The following CD6 variants were observed in gnomAD, a reference collection of about 807,000 sequenced individuals.
CD6 encodes T-cell differentiation antigen CD6.
A neutral mutation model predicts 75.3 loss-of-function variants in CD6; 53 were observed. That is an observed-to-expected ratio of 0.70 (90% CI 0.56 to 0.88). The LOEUF (loss-of-function observed/expected upper bound fraction) is 0.88, where lower values mean the gene tolerates loss of function less well. Ranked by LOEUF, CD6 falls within the 40% of genes least tolerant of loss-of-function variation. The pLI is 0.00. For missense variants in CD6, 770 were observed against 897.1 expected, an observed-to-expected ratio of 0.86 and a Z score of 1.81; for synonymous variants, 359 against 381.5, an observed-to-expected ratio of 0.94 and a Z score of 0.69.
At chr11:60,992,377 G>T (rs901305848) in intron 1 of CD6, among the ~76,000 whole-genome samples, 6 of 151,922 alleles carry the variant, frequency 3.9e-5, no homozygotes, top group African/African-American at 1.2e-4. Flanking sequence ...GGCAAGGGGG[G>T]CATGTGAAGA....
At chr11:60,986,600 G>C (rs1857825211) in intron 1 of CD6, among the ~76,000 whole-genome samples, 1 of 152,200 alleles carries the variant, frequency 6.6e-6, no homozygotes, top group South Asian at 2.1e-4. Flanking sequence ...TTGAAATTCA[G>C]TTCCGAGAAA....
chr11:60,989,890 CTA>C (rs1339226512), intron 1 of CD6, among the ~76,000 whole-genome samples: 1 of 152,176 alleles, frequency 6.6e-6, no homozygotes, highest in Non-Finnish European at 1.5e-5. Context: ...GAATTTAAAA[CTA>C]TAAAAACCCA....
chr11:60,995,276 C>T (rs562733043), intron 1 of CD6, among the ~76,000 whole-genome samples: 4 of 152,060 alleles, frequency 2.6e-5, no homozygotes, highest in Admixed American at 6.5e-5. Flanking sequence ...TCCTGAGTAG[C>T]TGGGACTACA....
chr11:60,985,480 C>A (rs1011783390), intron 1 of CD6, among the ~76,000 whole-genome samples: 3 of 152,012 alleles, frequency 2.0e-5, no homozygotes. Context: ...CCACCGCACC[C>A]GGCCACCCTC....
Position 61,007,640 on chromosome 11 carries a change from G to T in CD6, c.199G>T (p.Glu67Ter). The T allele has an allele frequency of 6.8e-7, 1 of 1,472,052 alleles. No individual in the cohort carries two copies. The highest frequency in any genetic ancestry group is 9.0e-7 in the Non-Finnish European group (1 of 1,111,262). The allele number at this position is 1,472,052 out of a possible 1,614,324, so 91.2% of individuals were successfully genotyped here. Residue 67 changes from glutamate to a stop codon, truncating the protein, a stop_gained, in exon 3 of 13, where the codon GAG (glutamate) becomes TAG (stop). Transcript: ENST00000313421. LOFTEE classifies it high-confidence loss of function. The surrounding 1 kb of genome is among the most constrained non-coding windows in gnomAD (Gnocchi z 4.2). The part of the protein sequence containing the change: ...TVEVRLEASW[E>*]PACGALWDSR... ...GGAGGTGCGGCTCGAGGCGTCCTGG[G>T]AGCCCGCGTGCGGGGCGCTCTGGGA...
At chr11:60,976,968 A>G (rs1410847740) in intron 1 of CD6, among the ~76,000 whole-genome samples, 1 of 152,152 alleles carries the variant, frequency 6.6e-6, no homozygotes, top group Non-Finnish European at 1.5e-5. Context: ...AGGCTTCTGC[A>G]TCTTTCTCCC....
chr11:60,992,556 T>G (rs1858107211), intron 1 of CD6, among the ~76,000 whole-genome samples: 1 of 152,056 alleles, frequency 6.6e-6, no homozygotes, highest in South Asian at 2.1e-4. Flanking sequence ...GGCCGGGCGC[T>G]GTGGCTCACA....
intron 1 of CD6, among the ~76,000 whole-genome samples, chr11:60,972,745 A>C (rs1361300757): frequency 1.3e-5 from 2 of 152,146 alleles, no homozygotes; most frequent in African/African-American, 4.8e-5. Flanking sequence ...CCAGAGAGCC[A>C]AGTGCTTTCA....
chr11:60,971,759 T>G lies in CD6; in HGVS notation c.-107T>G. ...ACACAGGAACAAGAACAGCAAAGGG[T>G]AGAGCAGACCTGCGCCAGGGGCGCA... On this transcript the variant is annotated 5_prime_UTR_variant, in exon 1 of 13. Coordinates refer to ENST00000313421, the MANE Select transcript of CD6 (RefSeq NM_006725.5). 1 of 1,068,436 alleles carries G rather than the reference T, an allele frequency of 9.4e-7. No individual in the cohort carries two copies. 66.2% of individuals were successfully genotyped at this position (1,068,436 alleles called of 1,614,324 possible). A position where few individuals can be genotyped will look rare whatever the true frequency, so the allele number is the denominator to read the frequency against.
In CD6 at chr11:61,019,264, C is replaced by A. The variant is rs777340349; in HGVS notation, c.1953C>A (p.Ser651Arg). 2.5e-6 allele frequency: 4 copies of A among 1,611,242 alleles called. No homozygotes were observed. Among genetic ancestry groups the A allele is most frequent in the East Asian group, 2.2e-5 (1 of 44,886 alleles). ...EEQFGCPGSPSPQPDSTDNDD... is the reference protein window; with the variant it reads ...EEQFGCPGSPRPQPDSTDNDD... ...CCTCTCTGCCCACAGGGTCCCCCAGCCCTCAGCCTGACTCCACCGACAACG... is the reference window on the plus strand; with the variant it reads ...CCTCTCTGCCCACAGGGTCCCCCAGACCTCAGCCTGACTCCACCGACAACG... The change falls in exon 13 of 13, where the codon AGC (serine) becomes AGA (arginine). Residue 651 changes from serine (S) to arginine (R), a missense_variant. Transcript: ENST00000313421.
At chr11:60,987,654 A>C (rs1316272651) in intron 1 of CD6, among the ~76,000 whole-genome samples, 1 of 152,048 alleles carries the variant, frequency 6.6e-6, no homozygotes, top group African/African-American at 2.4e-5. Flanking sequence ...TAGCCCACTC[A>C]TCCTCTGGAG....
At position 61,015,771 on chromosome 11, in the gene CD6, G is replaced by C; in HGVS notation, c.1446G>C (p.Ser482=). 2.5e-6 allele frequency: 4 copies of C among 1,614,114 alleles called. 1 individual carries two copies. The highest frequency in any genetic ancestry group is 1.7e-6 in the Non-Finnish European group (2 of 1,180,008). Residue 482 remains serine (S), a synonymous_variant, in exon 9 of 13, where the codon TCG becomes TCC. Coordinates refer to ENST00000313421, the MANE Select transcript of CD6 (RefSeq NM_006725.5). ...CCCCTGAGGACTCAGACTCTGGCTC[G>C]GACTCAGACTATGAGCACTATGACT... ...APPPEDSDSG[S]DSDYEHYDFS...
At position 61,004,849 on chromosome 11, in the gene CD6, A is replaced by G. The variant is rs77513373; in HGVS notation, c.50-1725A>G. 3.4e-3 allele frequency among the ~76,000 whole-genome samples: 517 copies of G among 152,288 alleles called. 6 individuals are homozygous for G. The highest frequency in any genetic ancestry group is 0.011 in the African/African-American group (474 of 41,548). Reference sequence around the variant, plus strand: ...CAACCCAGGGCCTCTAATATCCTTCAACAGGGAAGACGTAAATGGAAATGG... The same window carrying G: ...CAACCCAGGGCCTCTAATATCCTTCGACAGGGAAGACGTAAATGGAAATGG... On this transcript the variant is annotated intron_variant, in intron 1 of 12. Coordinates refer to ENST00000313421, the MANE Select transcript of CD6 (RefSeq NM_006725.5).
chr11:61,009,471 C>A, intron 4 of CD6, 101 bp from the exon 5 acceptor site: 1 of 1,082,214 alleles, frequency 9.2e-7, no homozygotes. Flanking sequence ...GATCTGGAGA[C>A]CAAATGGCTG....
chr11:61,008,629 A>C lies in CD6; in HGVS notation c.565A>C (p.Thr189Pro). ...HGEWGSVCDDTWDLEDAHVVC... is the reference protein window; with the variant it reads ...HGEWGSVCDDPWDLEDAHVVC... Reference sequence around the variant, plus strand: ...CGAGTGGGGATCAGTGTGCGATGACACTTGGGACCTGGAGGACGCCCACGT... The same window carrying C: ...CGAGTGGGGATCAGTGTGCGATGACCCTTGGGACCTGGAGGACGCCCACGT... The change falls in exon 4 of 13, where the codon ACT becomes CCT. Residue 189 changes from threonine (T) to proline (P), a missense_variant. By Grantham distance (38) the Thr-to-Pro change is conservative. Transcript: ENST00000313421. 1.2e-6 allele frequency: 2 copies of C among 1,608,468 alleles called. No homozygotes were observed. Among genetic ancestry groups the C allele is most frequent in the South Asian group, 1.1e-5 (1 of 90,126 alleles).
chr11:60,996,451 G>A (rs760363061), intron 1 of CD6, among the ~76,000 whole-genome samples: 64 of 152,174 alleles, frequency 4.2e-4, no homozygotes, highest in Non-Finnish European at 7.1e-4. Flanking sequence ...CCAGCTTCCC[G>A]GCCACTGGGC....
Position 60,982,068 on chromosome 11 carries a change from CGG to C in CD6, c.49+10164_49+10165del, listed in dbSNP as rs11319097. ...GAGGTGCCAGCAGATGCCAGGGTGG[CGG>C]GGGGGGGGGTTCTGTGCATGGGGCT... On this transcript the variant is annotated intron_variant, in intron 1 of 12. Coordinates refer to ENST00000313421, the MANE Select transcript of CD6 (RefSeq NM_006725.5). Among the ~76,000 whole-genome samples, 539 of 67,594 alleles carry C rather than the reference CGG, an allele frequency of 8.0e-3. 8 individuals carry two copies. The highest frequency in any genetic ancestry group is 9.2e-3 in the Non-Finnish European group (331 of 35,932). The allele number at this position is 67,594 out of a possible 152,430, so 44.3% of individuals were successfully genotyped here. A position where few individuals can be genotyped will look rare whatever the true frequency, so the allele number is the denominator to read the frequency against.
At chr11:60,980,830 ACT>A (rs773289431) in intron 1 of CD6, among the ~76,000 whole-genome samples, 1 of 152,036 alleles carries the variant, frequency 6.6e-6, no homozygotes, top group Non-Finnish European at 1.5e-5. Flanking sequence ...ACAGAGTGAG[ACT>A]CTGTTTCAAA....
At chr11:61,015,410 A>C in intron 8 of CD6, 1 of 253,934 alleles carries the variant, frequency 3.9e-6, no homozygotes, top group Non-Finnish European at 7.6e-6. Flanking sequence ...GTCTCTACAA[A>C]AAATTCAAAA....
Sources: allele counts gnomAD v4.1 joint callset (sites outside exome capture counted in the v4.1 genomes callset), GRCh38; gene constraint gnomAD v4.1.1; non-coding constraint Gnocchi (gnomAD v3.1); transcripts MANE v1.5; gene names NCBI Gene and HGNC (gene_info 2026-07-23, HGNC 2026-07-21).